MACROD2: variants seen among roughly 807,000 people sequenced by gnomAD.
MACROD2 encodes ADP-ribose glycohydrolase MACROD2.
In MACROD2, 36 loss-of-function variants were observed where a neutral mutation model predicts 70.4. The observed-to-expected ratio is 0.51, with a 90% CI of 0.39 to 0.68. MACROD2 has a LOEUF of 0.68. Ranked by LOEUF, MACROD2 falls within the 30% of genes least tolerant of loss-of-function variation. The probability of loss-of-function intolerance (pLI) is 0.00; values close to 1 mark genes in which losing one functional copy is unlikely to be tolerated. For synonymous variants in MACROD2, 172 were observed against 178.8 expected, an observed-to-expected ratio of 0.96 and a Z score of 0.30; for missense variants, 496 against 538.4, an observed-to-expected ratio of 0.92 and a Z score of 0.78.
chr20:14,650,467 G>C (rs951402704), intron 4 of MACROD2, among the ~76,000 whole-genome samples: 2 of 152,184 alleles, frequency 1.3e-5, no homozygotes, highest in Non-Finnish European at 2.9e-5. Flanking sequence ...TGATTAAGGA[G>C]ATCAGAATAT....
At chr20:15,371,783 A>G (rs937227234) in intron 6 of MACROD2, among the ~76,000 whole-genome samples, 1 of 152,200 alleles carries the variant, frequency 6.6e-6, no homozygotes, top group Non-Finnish European at 1.5e-5. Context: ...TTAATAAAAG[A>G]AATAAAACAT....
intron 5 of MACROD2, among the ~76,000 whole-genome samples, chr20:15,186,012 A>G (rs902958670): frequency 2.6e-5 from 4 of 152,182 alleles, no homozygotes; most frequent in Non-Finnish European, 4.4e-5. Context: ...AGACTGGGGT[A>G]TGTGTATGTT....
chr20:15,900,487 G>A (rs144089065), intron 10 of MACROD2, among the ~76,000 whole-genome samples: 225 of 152,244 alleles, frequency 1.5e-3, no homozygotes, highest in African/African-American at 5.1e-3. Context: ...ATTTTCATTT[G>A]TACTGGTGCT....
rs1273350230 is a variant in MACROD2, at chr20:14,840,198, T to C, written c.418+155239T>C. Among the ~76,000 whole-genome samples, 6 of 151,978 alleles carry C rather than the reference T, an allele frequency of 3.9e-5. No homozygotes were observed. In the East Asian group the frequency reaches 9.7e-4, roughly 25 times the overall value. On this transcript the variant is annotated intron_variant, in intron 5 of 17. Coordinates refer to ENST00000684519, the MANE Select transcript of MACROD2 (RefSeq NM_001351661.2). ...GACTACAGGTGCCTGCCACCATGGC[T>C]GGCTAATTTTTGTATTTTTACTAGA... is the stretch of plus-strand genomic sequence containing the variant.
At chr20:15,227,829 T>TTTTG (rs1395085148) in intron 5 of MACROD2, among the ~76,000 whole-genome samples, 8 of 111,582 alleles carry the variant, frequency 7.2e-5, no homozygotes, top group Admixed American at 1.8e-4. Context: ...ACCTGTTTTT[T>TTTTG]TTTTTTTTTT....
chr20:15,277,487 C>CTA (rs1283511011), intron 6 of MACROD2, among the ~76,000 whole-genome samples: 10 of 152,196 alleles, frequency 6.6e-5, no homozygotes, highest in African/African-American at 2.4e-4. Flanking sequence ...AAATAGGTTG[C>CTA]TATAACCTGC....
At chr20:15,549,588 G>A (rs2048068537) in intron 8 of MACROD2, among the ~76,000 whole-genome samples, 1 of 152,190 alleles carries the variant, frequency 6.6e-6, no homozygotes, top group African/African-American at 2.4e-5. Flanking sequence ...ACAGACAGAG[G>A]TTTTATTTTG....
Position 15,431,392 on chromosome 20 carries a change from G to T in MACROD2, c.541-13G>T, listed in dbSNP as rs756389379. 3 of 1,604,696 alleles carry T rather than the reference G, an allele frequency of 1.9e-6. No individual in the cohort carries two copies. The East Asian group carries it at 6.7e-5, about 36-fold the overall frequency. ...CTTTAATATTCATTGTTATTTTTGTGGTTTATTCACAGGCATTTCCCTGCA... is the reference window on the plus strand; with the variant it reads ...CTTTAATATTCATTGTTATTTTTGTTGTTTATTCACAGGCATTTCCCTGCA... On this transcript the variant is annotated splice_polypyrimidine_tract_variant and intron_variant, in intron 6 of 17. Coordinates refer to ENST00000684519, the MANE Select transcript of MACROD2 (RefSeq NM_001351661.2).
At chr20:14,375,840 T>C (rs973374776) in intron 3 of MACROD2, among the ~76,000 whole-genome samples, 9 of 152,214 alleles carry the variant, frequency 5.9e-5, no homozygotes, top group Admixed American at 5.9e-4. Context: ...TTCAACAAAC[T>C]GATGGAGTAT....
chr20:15,139,462 A>T (rs1429324916), intron 5 of MACROD2, among the ~76,000 whole-genome samples: 1 of 152,138 alleles, frequency 6.6e-6, no homozygotes, highest in African/African-American at 2.4e-5. Flanking sequence ...TAGACAGTTA[A>T]TCTTCAGAAC....
At chr20:15,052,757 T>C (rs2075452866) in intron 5 of MACROD2, among the ~76,000 whole-genome samples, 1 of 152,168 alleles carries the variant, frequency 6.6e-6, no homozygotes, top group Non-Finnish European at 1.5e-5. Flanking sequence ...AGGTTTATGT[T>C]AAATCAAAAG....
At chr20:14,153,678 A>T (rs1805689520) in intron 3 of MACROD2, among the ~76,000 whole-genome samples, 1 of 152,244 alleles carries the variant, frequency 6.6e-6, no homozygotes, top group South Asian at 2.1e-4. Context: ...TTTTCAAAAA[A>T]GATGTGATAT....
At chr20:15,522,055 A>C (rs2047660201) in intron 8 of MACROD2, among the ~76,000 whole-genome samples, 1 of 152,206 alleles carries the variant, frequency 6.6e-6, no homozygotes, top group African/African-American at 2.4e-5. Flanking sequence ...TTTGAAATGG[A>C]GAAGATAATG....
chr20:15,800,724 A>G (rs2063716708), intron 8 of MACROD2, among the ~76,000 whole-genome samples: 1 of 152,088 alleles, frequency 6.6e-6, no homozygotes, highest in South Asian at 2.1e-4. Flanking sequence ...CATGATGACA[A>G]TGGCGGTTTT....
At chr20:15,131,124 C>T (rs1312765231) in intron 5 of MACROD2, among the ~76,000 whole-genome samples, 1 of 151,986 alleles carries the variant, frequency 6.6e-6, no homozygotes, top group Non-Finnish European at 1.5e-5. Flanking sequence ...AAGAATTGAC[C>T]CGTATTCTAA....
intron 15 of MACROD2, among the ~76,000 whole-genome samples, chr20:16,033,564 C>T (rs2147588744): frequency 6.6e-6 from 1 of 152,072 alleles, no homozygotes; most frequent in East Asian, 1.9e-4. Flanking sequence ...CCAGAAGTAG[C>T]CAATAAATAT....
chr20:15,030,093 A>G (rs1281512618), intron 5 of MACROD2, among the ~76,000 whole-genome samples: 1 of 151,872 alleles, frequency 6.6e-6, no homozygotes, highest in East Asian at 1.9e-4. Flanking sequence ...AAAAAAAAAA[A>G]AAAAAACCTG....
chr20:15,943,783 G>A (rs1015353847), intron 12 of MACROD2, among the ~76,000 whole-genome samples: 1 of 151,554 alleles, frequency 6.6e-6, no homozygotes, highest in African/African-American at 2.4e-5. Flanking sequence ...CCTTTAAAAG[G>A]TAGTATTTAT....
intron 2 of MACROD2, among the ~76,000 whole-genome samples, chr20:14,019,135 G>A (rs1223003997): frequency 6.6e-6 from 1 of 152,130 alleles, no homozygotes; most frequent in Non-Finnish European, 1.5e-5. Flanking sequence ...GGTTCCTGTT[G>A]CCTGCTGCCC....
Sources: gnomAD v4.1 joint callset for allele counts (sites outside exome capture counted in the v4.1 genomes callset) on GRCh38, gnomAD v4.1.1 for gene constraint, MANE v1.5 for transcripts, NCBI Gene and HGNC (gene_info 2026-07-23, HGNC 2026-07-21) for gene names.